The following LIPA variants were observed in gnomAD, a reference collection of about 807,000 sequenced individuals.
The protein encoded by LIPA is lysosomal acid lipase/cholesteryl ester hydrolase.
In LIPA, 26 loss-of-function variants were observed where a neutral mutation model predicts 40.6. The ratio of observed to expected loss-of-function variants is 0.64; its 90% CI spans 0.47 to 0.89. LIPA has a LOEUF of 0.89. Ranked by LOEUF, LIPA falls within the 40% of genes least tolerant of loss-of-function variation. The pLI is 0.00. For missense variants in LIPA, 455 were observed against 479.6 expected (o/e 0.95, Z 0.48); for synonymous variants, 188 against 168.4 (o/e 1.12, Z -0.90).
At chr10:89,300,808 G>A (rs1419982175) in intron 1 of LIPA, among the ~76,000 whole-genome samples, 1 of 151,954 alleles carries the variant, frequency 6.6e-6, no homozygotes, top group African/African-American at 2.4e-5. Flanking sequence ...CCAACATGGT[G>A]GAACCCCATC....
At chr10:89,392,014 AT>A (rs1183929007) in intron 2 of LIPA, among the ~76,000 whole-genome samples, 1 of 152,106 alleles carries the variant, frequency 6.6e-6, no homozygotes, top group Non-Finnish European at 1.5e-5. Context: ...AGGGCTCTCT[AT>A]TTCAAACCAT....
At chr10:89,410,131 A>G (rs770355809) in intron 2 of LIPA, among the ~76,000 whole-genome samples, 1 of 152,210 alleles carries the variant, frequency 6.6e-6, no homozygotes, top group Non-Finnish European at 1.5e-5. Flanking sequence ...GGCTGGCCTC[A>G]CTGTTTAAGG....
upstream of LIPA, among the ~76,000 whole-genome samples, chr10:89,345,190 T>C (rs1418690320): frequency 2.0e-5 from 3 of 149,766 alleles, no homozygotes; most frequent in Non-Finnish European, 1.5e-5. Context: ...AATGTATTAG[T>C]GTATTTAGTA....
intron 3 of LIPA, among the ~76,000 whole-genome samples, chr10:89,233,595 T>C (rs547293423): frequency 6.6e-6 from 1 of 152,342 alleles, no homozygotes; most frequent in South Asian, 2.1e-4. Context: ...CATTGTGGTT[T>C]TTGCCCTTAA....
At chr10:89,316,501 C>T (rs533198178) in intron 1 of LIPA, among the ~76,000 whole-genome samples, 62 of 152,286 alleles carry the variant, frequency 4.1e-4, no homozygotes, top group Non-Finnish European at 5.1e-4. Flanking sequence ...AACTGCAAGG[C>T]AGCAGTGAGG....
intron 2 of LIPA, among the ~76,000 whole-genome samples, chr10:89,409,742 G>C (rs1208147575): frequency 6.6e-6 from 1 of 152,236 alleles, no homozygotes; most frequent in Non-Finnish European, 1.5e-5. Context: ...GGGACAGCCT[G>C]TAACCAGGTG....
chr10:89,323,631 T>C (rs769725385), intron 1 of LIPA, among the ~76,000 whole-genome samples: 1 of 152,088 alleles, frequency 6.6e-6, no homozygotes, highest in Non-Finnish European at 1.5e-5. Context: ...AGCATTCCTA[T>C]ACACTAACAA....
At position 89,331,155 on chromosome 10, in the gene LIPA, G is replaced by GC. The variant is rs1473401691; in HGVS notation, c.-2+11455_-2+11456insG. Among the ~76,000 whole-genome samples the GC allele has an allele frequency of 5.9e-5, 9 of 152,174 alleles. No individual in the cohort carries two copies. The East Asian group carries it at 1.6e-3, about 26-fold the overall frequency. ...GTTCAACAGAATGACAACTTCTCTT[G>GC]TTGTTGTTGTTTTTGTTGTTGCTGT... On this transcript the variant is annotated intron_variant, in intron 1 of 5. Transcript: ENST00000282673.
chr10:89,274,168 A>AT (rs1843278739), intron 1 of LIPA, among the ~76,000 whole-genome samples: 2 of 152,114 alleles, frequency 1.3e-5, no homozygotes, highest in Non-Finnish European at 2.9e-5. Flanking sequence ...TCACTGGGGG[A>AT]TTTTTTGGTT....
At chr10:89,315,209 G>A (rs1208223759) in intron 1 of LIPA, among the ~76,000 whole-genome samples, 2 of 152,246 alleles carry the variant, frequency 1.3e-5, no homozygotes, top group South Asian at 2.1e-4. Flanking sequence ...TTCTAACTGG[G>A]TATAAGGATG....
intron 1 of LIPA, among the ~76,000 whole-genome samples, chr10:89,270,521 TC>T (rs1336835011): frequency 6.6e-6 from 1 of 152,228 alleles, no homozygotes; most frequent in Non-Finnish European, 1.5e-5. Context: ...TGTTGATATA[TC>T]CTTTCCAATA....
chr10:89,278,227 G>A (rs1322784809), intron 1 of LIPA: 1 of 152,166 alleles, frequency 6.6e-6, no homozygotes, highest in Non-Finnish European at 1.5e-5. Flanking sequence ...CAGTTCTAAT[G>A]ATTTCATACT....
intron 1 of LIPA, chr10:89,302,124 A>T: frequency 1.2e-6 from 2 of 1,613,988 alleles, no homozygotes; most frequent in Non-Finnish European, 1.7e-6. Flanking sequence ...CACTGCAACC[A>T]TGAGGTAAAT....
In LIPA at chr10:89,216,114, A is replaced by G. The variant is rs1273716695; in HGVS notation, c.895-105T>C. On this transcript the variant is annotated intron_variant, in intron 8 of 9. Transcript: ENST00000336233. ...AACCTCGGAAATCAACTTTATACCA[A>G]TATCCAGATTTACTCTTCATTTCCA... The G allele has an allele frequency of 1.7e-5, 13 of 781,336 alleles. No homozygotes were observed. The Admixed American group carries it at 2.2e-4, about 13-fold the overall frequency. The allele number at this position is 781,336 out of a possible 1,614,324, so 48.4% of individuals were successfully genotyped here. A position where few individuals can be genotyped will look rare whatever the true frequency, so the allele number is the denominator to read the frequency against.
Position 89,223,683 on chromosome 10 carries a change from C to A in LIPA, c.822+1G>T. 1 of 1,604,762 alleles carries A rather than the reference C, an allele frequency of 6.2e-7. No homozygotes were observed. The highest frequency in any genetic ancestry group is 1.3e-5 in the African/African-American group (1 of 74,808). Reference sequence around the variant, plus strand: ...TCAAATCTTACTATAAACATGCATACCATATTTAAATTTCTCTCATTAAAT... The same window carrying A: ...TCAAATCTTACTATAAACATGCATAACATATTTAAATTTCTCTCATTAAAT... On this transcript the variant is annotated splice_donor_variant, in intron 7 of 9. Transcript: ENST00000336233. LOFTEE classifies it high-confidence loss of function.
intron 8 of LIPA, among the ~76,000 whole-genome samples, chr10:89,220,563 A>G (rs989257338): frequency 3.3e-5 from 5 of 152,210 alleles, no homozygotes; most frequent in African/African-American, 1.2e-4. Flanking sequence ...TTAAGTGGTA[A>G]GCATGTGCTG....
intron 1 of LIPA, among the ~76,000 whole-genome samples, chr10:89,250,098 C>CTTTTTTTTT (rs1293702927): frequency 9.8e-5 from 10 of 101,706 alleles, no homozygotes; most frequent in East Asian, 2.6e-4. Flanking sequence ...TTTTTCTTTT[C>CTTTTTTTTT]TTTTCTTTCT....
intron 1 of LIPA, among the ~76,000 whole-genome samples, chr10:89,286,806 ATAGAG>A (rs1367829342): frequency 2.0e-5 from 3 of 151,978 alleles, no homozygotes; most frequent in Non-Finnish European, 4.4e-5. Flanking sequence ...GTGTACAATA[ATAGAG>A]TAGAGTCAGC....
intron 1 of LIPA, among the ~76,000 whole-genome samples, chr10:89,269,572 A>G (rs1307695289): frequency 1.3e-5 from 2 of 152,228 alleles, no homozygotes; most frequent in East Asian, 3.8e-4. Flanking sequence ...CTCTGAAGTC[A>G]ACCATATAAT....
Sources: gnomAD v4.1 joint callset for allele counts (sites outside exome capture counted in the v4.1 genomes callset) on GRCh38, gnomAD v4.1.1 for gene constraint, MANE v1.5 for transcripts, NCBI Gene and HGNC (gene_info 2026-07-23, HGNC 2026-07-21) for gene names.